COBLL1: variants seen among roughly 807,000 people sequenced by gnomAD.
The protein encoded by COBLL1 is cordon-bleu WH2 repeat protein like 1.
A neutral mutation model predicts 94.8 loss-of-function variants in COBLL1; 50 were observed. The ratio of observed to expected loss-of-function variants is 0.53; its 90% CI spans 0.42 to 0.67. COBLL1 has a LOEUF of 0.67. Among genes scored for constraint, COBLL1 ranks in the 30% least tolerant of loss-of-function variants. The pLI, the probability that COBLL1 is intolerant of heterozygous loss-of-function variation, is 0.00. For synonymous variants in COBLL1, 448 were observed against 473.8 expected, an observed-to-expected ratio of 0.95 and a Z score of 0.71; for missense variants, 1,362 against 1,348.7, an observed-to-expected ratio of 1.01 and a Z score of -0.15.
At chr2:164,773,736 T>C (rs1688324852) in intron 2 of COBLL1, 3 of 1,297,512 alleles carry the variant, frequency 2.3e-6, no homozygotes, top group Non-Finnish European at 3.0e-6. Flanking sequence ...CATAAAACAG[T>C]ATTGTTCCTC....
chr2:164,803,003 G>C (rs1219512962), intron 2 of COBLL1, among the ~76,000 whole-genome samples: 7 of 152,138 alleles, frequency 4.6e-5, no homozygotes, highest in Non-Finnish European at 4.4e-5. Flanking sequence ...AAAGATTATA[G>C]ATTGCAATAT....
At chr2:164,781,994 T>C (rs1342235240) in intron 2 of COBLL1, among the ~76,000 whole-genome samples, 2 of 152,300 alleles carry the variant, frequency 1.3e-5, no homozygotes, top group East Asian at 1.9e-4. Context: ...GTTTTTTCTT[T>C]AGCCTCAGAG....
intron 2 of COBLL1, among the ~76,000 whole-genome samples, chr2:164,763,449 G>A (rs574883850): frequency 8.5e-5 from 13 of 152,170 alleles, no homozygotes; most frequent in South Asian, 2.1e-4. Context: ...AATCAAATAC[G>A]TAGTTACCCT....
chr2:164,702,072 T>C (rs1684306974), intron 9 of COBLL1, among the ~76,000 whole-genome samples: 1 of 152,108 alleles, frequency 6.6e-6, no homozygotes, highest in Admixed American at 6.5e-5. Flanking sequence ...CTTTGAGAAA[T>C]AAACATGAGA....
intron 7 of COBLL1, among the ~76,000 whole-genome samples, chr2:164,716,201 A>G (rs1346304712): frequency 6.6e-6 from 1 of 152,196 alleles, no homozygotes; most frequent in East Asian, 1.9e-4. Context: ...GTCACTTTCA[A>G]TTTAAGTCAA....
intron 2 of COBLL1, among the ~76,000 whole-genome samples, chr2:164,659,755 T>G (rs904655997): frequency 6.6e-6 from 1 of 152,212 alleles, no homozygotes; most frequent in Admixed American, 6.5e-5. Context: ...AAATCTTTCC[T>G]TCTTGCAATA....
At chr2:164,677,283 A>G (rs1233654108), downstream of COBLL1, among the ~76,000 whole-genome samples, 3 of 152,010 alleles carry the variant, frequency 2.0e-5, no homozygotes, top group Non-Finnish European at 4.4e-5. Context: ...CAAAGCATCC[A>G]AAGCGTACTG....
chr2:164,754,881 C>T lies in COBLL1; in HGVS notation c.42-11006G>A, dbSNP rs1432060633. Among the ~76,000 whole-genome samples, 4 of 152,180 alleles carry T rather than the reference C, an allele frequency of 2.6e-5. No individual in the cohort carries two copies. The East Asian group carries it at 7.7e-4, about 29-fold the overall frequency. ...AAGTAGAGCAAATCCAAAGACAAGA[C>T]ACAGGTTTCCGGCTGGGTGCAGTGG... is the stretch of plus-strand genomic sequence containing the variant. On this transcript the variant is annotated intron_variant, in intron 2 of 13. Coordinates refer to ENST00000652658, the MANE Select transcript of COBLL1 (RefSeq NM_001365672.2).
chr2:164,781,190 T>C (rs2105275226), intron 2 of COBLL1, among the ~76,000 whole-genome samples: 1 of 152,344 alleles, frequency 6.6e-6, no homozygotes, highest in South Asian at 2.1e-4. Flanking sequence ...CAAACATTTA[T>C]CTTCTTTACA....
chr2:164,709,398 C>A (rs144717911), intron 7 of COBLL1, among the ~76,000 whole-genome samples: 1 of 152,180 alleles, frequency 6.6e-6, no homozygotes, highest in African/African-American at 2.4e-5. Context: ...ATTACTAAAG[C>A]TGAAATTTGA....
At chr2:164,763,615 C>T (rs1021600217) in intron 2 of COBLL1, among the ~76,000 whole-genome samples, 1 of 152,120 alleles carries the variant, frequency 6.6e-6, no homozygotes, top group African/African-American at 2.4e-5. Flanking sequence ...ATGGTACATC[C>T]ACTTGATAAA....
intron 2 of COBLL1, among the ~76,000 whole-genome samples, chr2:164,786,233 T>C (rs1342805666): frequency 6.6e-6 from 1 of 152,182 alleles, no homozygotes; most frequent in African/African-American, 2.4e-5. Context: ...CACAGTACTT[T>C]GATACATGTA....
At position 164,723,070 on chromosome 2, in the gene COBLL1, A is replaced by C. The variant is rs544395328; in HGVS notation, c.662-548T>G. ...AATTTTGTCCCCCAGAGGACATTTGACAAAGTCTGGGGACAATTTGATTGC... is the reference window on the plus strand; with the variant it reads ...AATTTTGTCCCCCAGAGGACATTTGCCAAAGTCTGGGGACAATTTGATTGC... On this transcript the variant is annotated intron_variant, in intron 5 of 13. Transcript: ENST00000652658. 5.9e-5 allele frequency: 9 copies of C among 152,344 alleles called. No homozygotes were observed. The South Asian group carries it at 1.7e-3, about 28-fold the overall frequency. 9.4% of individuals were successfully genotyped at this position (152,344 alleles called of 1,614,324 possible).
At chr2:164,838,764 A>G (rs1336035271) in intron 2 of COBLL1, among the ~76,000 whole-genome samples, 1 of 152,256 alleles carries the variant, frequency 6.6e-6, no homozygotes, top group Non-Finnish European at 1.5e-5. Context: ...ATATCCAAGG[A>G]TAAAGACTAA....
At chr2:164,692,430 T>C in intron 12 of COBLL1, 33 bp from the exon 13 acceptor site, 2 of 1,549,212 alleles carry the variant, frequency 1.3e-6, no homozygotes, top group African/African-American at 1.4e-5. Context: ...TTTATATGAA[T>C]GCCAAGAAAA....
At chr2:164,663,461 A>G (rs903357000) in intron 2 of COBLL1, among the ~76,000 whole-genome samples, 1 of 152,180 alleles carries the variant, frequency 6.6e-6, no homozygotes, top group Admixed American at 6.5e-5. Context: ...CAGCACTCCC[A>G]TTACTGCATA....
chr2:164,794,502 A>G (rs1238303502), intron 2 of COBLL1, among the ~76,000 whole-genome samples: 1 of 152,076 alleles, frequency 6.6e-6, no homozygotes, highest in Non-Finnish European at 1.5e-5. Context: ...AAGAAAAAAA[A>G]TCAGATTAGG....
chr2:164,734,483 A>G (rs1176802221), intron 3 of COBLL1, among the ~76,000 whole-genome samples: 1 of 152,206 alleles, frequency 6.6e-6, no homozygotes, highest in Non-Finnish European at 1.5e-5. Context: ...GTGAGACAGA[A>G]AGCCTCCAAA....
intron 1 of COBLL1, among the ~76,000 whole-genome samples, chr2:164,667,292 A>G (rs1191248172): frequency 6.6e-6 from 1 of 152,172 alleles, no homozygotes; most frequent in African/African-American, 2.4e-5. Flanking sequence ...TTTTGAGCAC[A>G]GGCACAGTAG....
Sources: allele counts gnomAD v4.1 joint callset (sites outside exome capture counted in the v4.1 genomes callset), GRCh38; gene constraint gnomAD v4.1.1; transcripts MANE v1.5; gene names NCBI Gene and HGNC (gene_info 2026-07-23, HGNC 2026-07-21).